Variants in TNFRSF10B observed in about 807,000 individuals in gnomAD.
TNFRSF10B encodes the protein TNF receptor superfamily member 10b.
Under a neutral mutation model 41.4 loss-of-function variants are expected in TNFRSF10B, and 35 were observed. The ratio of observed to expected loss-of-function variants is 0.85; its 90% CI spans 0.65 to 1.12. The LOEUF (loss-of-function observed/expected upper bound fraction) is 1.12. Among genes scored for constraint, TNFRSF10B ranks in the 50% most tolerant of loss-of-function variants. The pLI is 0.00. For missense variants in TNFRSF10B, 584 were observed against 552.7 expected, an observed-to-expected ratio of 1.06 and a Z score of -0.57; for synonymous variants, 230 against 215.5, an observed-to-expected ratio of 1.07 and a Z score of -0.59.
At chr8:23,042,047 C>G (rs561192809) in intron 2 of TNFRSF10B, among the ~76,000 whole-genome samples, 1 of 152,356 alleles carries the variant, frequency 6.6e-6, no homozygotes, top group South Asian at 2.1e-4. Flanking sequence ...TTACCCTGAG[C>G]AGTTGAATTT....
intron 1 of TNFRSF10B, among the ~76,000 whole-genome samples, chr8:23,059,344 G>A (rs1056759769): frequency 5.9e-5 from 9 of 152,184 alleles, no homozygotes; most frequent in East Asian, 1.9e-4. Context: ...TCTTTTGGAC[G>A]TATACCTAGA....
At chr8:23,059,710 C>A (rs941146934) in intron 1 of TNFRSF10B, among the ~76,000 whole-genome samples, 2 of 152,036 alleles carry the variant, frequency 1.3e-5, no homozygotes, top group African/African-American at 4.8e-5. Flanking sequence ...GACGGGGTCT[C>A]ACCATGTTAG....
At chr8:23,042,505 G>A (rs1271073695) in intron 2 of TNFRSF10B, among the ~76,000 whole-genome samples, 1 of 152,024 alleles carries the variant, frequency 6.6e-6, no homozygotes, top group Non-Finnish European at 1.5e-5. Flanking sequence ...TGACCTTACG[G>A]GACACCACAT....
chr8:23,037,130 T>G (rs1484102679), intron 2 of TNFRSF10B, among the ~76,000 whole-genome samples: 3 of 152,222 alleles, frequency 2.0e-5, no homozygotes, highest in Admixed American at 6.5e-5. Context: ...GGAAGGATTT[T>G]AATAATCAGG....
At chr8:23,055,521 T>TAAAAA (rs34761330) in intron 1 of TNFRSF10B, among the ~76,000 whole-genome samples, 2 of 120,548 alleles carry the variant, frequency 1.7e-5, no homozygotes, top group African/African-American at 3.1e-5. Context: ...ATTAAATGCT[T>TAAAAA]AAAAAAAAAA....
intron 1 of TNFRSF10B, among the ~76,000 whole-genome samples, chr8:23,060,092 CT>C: frequency 6.6e-6 from 1 of 152,124 alleles, no homozygotes; most frequent in African/African-American, 2.4e-5. Flanking sequence ...TGGGTTTTGC[CT>C]TTTTATCCAG....
rs533108002 is a variant in TNFRSF10B, at chr8:23,041,205, C to T, written c.250+1933G>A. Among the ~76,000 whole-genome samples, 20 of 152,066 alleles carry T rather than the reference C, an allele frequency of 1.3e-4. No homozygotes were observed. In the East Asian group the frequency reaches 2.1e-3, roughly 16 times the overall value. On this transcript the variant is annotated intron_variant, in intron 2 of 8. Transcript: ENST00000276431. ...TCCCAAGTAGCTGGGACTACAGGCACGCCACTATACCCAGCTAATGTTTGT... is the reference window on the plus strand; with the variant it reads ...TCCCAAGTAGCTGGGACTACAGGCATGCCACTATACCCAGCTAATGTTTGT...
chr8:23,020,699 T>C lies in TNFRSF10B; in HGVS notation c.*1972A>G, dbSNP rs1563301649. 6.6e-6 allele frequency: 3 copies of C among 453,484 alleles called. No individual in the cohort carries two copies. The highest frequency in any genetic ancestry group is 1.6e-5 in the South Asian group (1 of 64,400). 28.1% of individuals were successfully genotyped at this position (453,484 alleles called of 1,614,324 possible). ...AGAGTGAGATTCTGTCTCAAAAAAA[T>C]TAAAAATAAAAGAAAAATCTTAAAC... On this transcript the variant is annotated 3_prime_UTR_variant, in exon 9 of 9. Transcript: ENST00000276431.
intron 5 of TNFRSF10B, 74 bp from the exon 6 acceptor site, chr8:23,027,827 C>T (rs745590456): frequency 1.3e-5 from 21 of 1,584,758 alleles, no homozygotes; most frequent in South Asian, 4.5e-5. Context: ...GACAGTGGGG[C>T]GCAGGGCTGG....
intron 2 of TNFRSF10B, among the ~76,000 whole-genome samples, chr8:23,034,641 T>G (rs1462714157): frequency 6.6e-6 from 1 of 152,198 alleles, no homozygotes; most frequent in African/African-American, 2.4e-5. Context: ...GCAGGAGGAT[T>G]GCCTGAGCCC....
At chr8:23,036,642 C>T (rs143636816) in intron 2 of TNFRSF10B, among the ~76,000 whole-genome samples, 84 of 152,258 alleles carry the variant, frequency 5.5e-4, no homozygotes, top group Non-Finnish European at 1.0e-3. Flanking sequence ...GTCAGGAGTT[C>T]GAGACTGGCC....
intron 2 of TNFRSF10B, among the ~76,000 whole-genome samples, chr8:23,040,557 A>T (rs1812163381): frequency 6.7e-6 from 1 of 150,160 alleles, no homozygotes; most frequent in African/African-American, 2.4e-5. Flanking sequence ...GCCAAGAAAT[A>T]AACTAAAGTT....
At chr8:23,027,684 A>T in intron 6 of TNFRSF10B, 38 bp downstream of exon 6, 6 of 1,613,958 alleles carry the variant, frequency 3.7e-6, no homozygotes, top group Non-Finnish European at 5.1e-6. Context: ...GCAGTTCCTG[A>T]ACCCCTGAGC....
chr8:23,050,178 G>A (rs992557758), intron 1 of TNFRSF10B, among the ~76,000 whole-genome samples: 2 of 152,238 alleles, frequency 1.3e-5, no homozygotes, highest in Non-Finnish European at 2.9e-5. Flanking sequence ...GGAAGCAACA[G>A]GGCTGGCTCA....
At chr8:23,026,834 C>T (rs1423774892) in intron 7 of TNFRSF10B, among the ~76,000 whole-genome samples, 2 of 152,206 alleles carry the variant, frequency 1.3e-5, no homozygotes, top group South Asian at 2.1e-4. Context: ...TAGGAGCATA[C>T]GATGGAGACT....
At chr8:23,038,390 A>G (rs1433813962) in intron 2 of TNFRSF10B, among the ~76,000 whole-genome samples, 2 of 152,228 alleles carry the variant, frequency 1.3e-5, no homozygotes, top group Non-Finnish European at 2.9e-5. Flanking sequence ...GCTTCTTATA[A>G]ATACCAGCTA....
chr8:23,033,573 G>A (rs370408462), intron 2 of TNFRSF10B, among the ~76,000 whole-genome samples: 9 of 116,074 alleles, frequency 7.8e-5, no homozygotes, highest in South Asian at 2.9e-4. Flanking sequence ...GGGCGACAGC[G>A]AGACTCCGTC....
At chr8:23,026,957 T>G (rs1811720958) in intron 7 of TNFRSF10B, among the ~76,000 whole-genome samples, 176 bp downstream of exon 7, 2 of 152,176 alleles carry the variant, frequency 1.3e-5, no homozygotes. Context: ...GCAGATGTCC[T>G]GCAGACTGGC....
chr8:23,059,217 T>C (rs1026319416), intron 1 of TNFRSF10B, among the ~76,000 whole-genome samples: 1 of 152,266 alleles, frequency 6.6e-6, no homozygotes, highest in Non-Finnish European at 1.5e-5. Flanking sequence ...ATTGTATGAA[T>C]ATACCACATT....
Sources: gnomAD v4.1 joint callset for allele counts (sites outside exome capture counted in the v4.1 genomes callset) on GRCh38, gnomAD v4.1.1 for gene constraint, MANE v1.5 for transcripts, NCBI Gene and HGNC (gene_info 2026-07-23, HGNC 2026-07-21) for gene names.